The following LRRC61 variants were observed in gnomAD, a reference collection of about 807,000 sequenced individuals.
The protein encoded by LRRC61 is leucine rich repeat containing 61.
LRRC61 carries 9 observed loss-of-function variants against 15.1 expected under a neutral mutation model. The ratio of observed to expected loss-of-function variants is 0.60; its 90% CI spans 0.36 to 1.04. The LOEUF (loss-of-function observed/expected upper bound fraction) is 1.04. Among genes scored for constraint, LRRC61 ranks in the 50% least tolerant of loss-of-function variants. The pLI is 0.01. For missense variants in LRRC61, 344 were observed against 335.6 expected (o/e 1.03, Z -0.20); for synonymous variants, 173 against 158.6 (o/e 1.09, Z -0.68).
upstream of LRRC61, among the ~76,000 whole-genome samples, chr7:150,321,893 T>C (rs531942310): frequency 1.4e-4 from 21 of 152,298 alleles, no homozygotes; most frequent in East Asian, 3.7e-3. Flanking sequence ...CTGAAAGATA[T>C]GGGAAAAGCT....
chr7:150,328,017 A>C (rs1440790135), intron 2 of LRRC61, among the ~76,000 whole-genome samples: 1 of 152,128 alleles, frequency 6.6e-6, no homozygotes, highest in African/African-American at 2.4e-5. Flanking sequence ...TTTGGGGTGA[A>C]CCACATTGAC....
In LRRC61 at chr7:150,334,678, GTCT is replaced by G. The variant is rs1485112077; in HGVS notation, c.-144-2035_-144-2033del. The stretch of plus-strand genomic sequence containing the variant: ...CAAGCTGAGTGCTGTGTAGCTGGAT[GTCT>G]TCTTGTCTCCAACCTGTCCCACCTG... On this transcript the variant is annotated intron_variant, in intron 2 of 2. Transcript: ENST00000359623. 2.6e-5 allele frequency among the ~76,000 whole-genome samples: 4 copies of G among 152,340 alleles called. No homozygotes were observed. In the East Asian group the frequency reaches 5.8e-4, roughly 22 times the overall value.
intron 2 of LRRC61, chr7:150,331,242 TC>T: frequency 5.4e-6 from 5 of 918,728 alleles, no homozygotes; most frequent in East Asian, 2.7e-5. Context: ...ACACCCCGCC[TC>T]CCCTCATCTG....
chr7:150,331,119 C>T, intron 2 of LRRC61: 2 of 1,606,374 alleles, frequency 1.2e-6, no homozygotes, highest in Non-Finnish European at 1.7e-6. Context: ...TCTCTGAAAG[C>T]ATCTTTGCCT....
chr7:150,324,132 C>G (rs1437444571), intron 1 of LRRC61, among the ~76,000 whole-genome samples: 1 of 152,204 alleles, frequency 6.6e-6, no homozygotes, highest in Non-Finnish European at 1.5e-5. Flanking sequence ...CCTCCTATCC[C>G]TTTCTCTCAC....
the LRRC61 span, among the ~76,000 whole-genome samples, chr7:150,315,076 ATATT>A: frequency 6.1e-5 from 9 of 147,178 alleles, no homozygotes; most frequent in East Asian, 1.9e-4. Flanking sequence ...AAATAAGAAA[ATATT>A]TATTATTTAT....
upstream of LRRC61, among the ~76,000 whole-genome samples, chr7:150,318,686 C>T (rs936934581): frequency 1.1e-4 from 16 of 152,054 alleles, no homozygotes; most frequent in African/African-American, 1.2e-4. Context: ...CGCTTGAACC[C>T]GAAGAGCCGA....
intron 2 of LRRC61, chr7:150,331,039 C>A (rs549141225): frequency 1.2e-6 from 2 of 1,612,166 alleles, no homozygotes; most frequent in Non-Finnish European, 1.7e-6. Context: ...CAGGATGACC[C>A]CCTGGCTTAC....
At chr7:150,311,665 C>T in the LRRC61 span, among the ~76,000 whole-genome samples, 3 of 152,302 alleles carry the variant, frequency 2.0e-5, no homozygotes, top group African/African-American at 7.2e-5. Context: ...CCTCATATTT[C>T]TATTTTTCCA....
intron 2 of LRRC61, among the ~76,000 whole-genome samples, chr7:150,334,540 C>T (rs1798225424): frequency 1.3e-5 from 2 of 152,216 alleles, no homozygotes; most frequent in Admixed American, 1.3e-4. Context: ...GCATGGTTGG[C>T]CCCATGCACT....
the LRRC61 span, among the ~76,000 whole-genome samples, chr7:150,318,137 A>G: frequency 1.3e-5 from 2 of 152,348 alleles, no homozygotes; most frequent in African/African-American, 4.8e-5. Flanking sequence ...GGCTAAAGCT[A>G]TGACGGTGAA....
At chr7:150,319,205 C>CT (rs199647156), upstream of LRRC61, among the ~76,000 whole-genome samples, 274 of 140,726 alleles carry the variant, frequency 1.9e-3, no homozygotes, top group Middle Eastern at 7.3e-3. Flanking sequence ...ATTGCTTCTT[C>CT]TTTTTTTTTT....
In LRRC61 at chr7:150,336,704, C is replaced by A; in HGVS notation, c.-144-14C>A. ...ACAGAAAGTGCTGCCTGCTGACTGA[C>A]TGTCTCTCCTCAGGGACTGGCTGGC... is the stretch of plus-strand genomic sequence containing the variant. On this transcript the variant is annotated splice_polypyrimidine_tract_variant and intron_variant, in intron 2 of 2. Coordinates refer to ENST00000359623, the MANE Select transcript of LRRC61 (RefSeq NM_001142928.2). 1 of 930,282 alleles carries A rather than the reference C, an allele frequency of 1.1e-6. No individual in the cohort carries two copies. Among genetic ancestry groups the A allele is most frequent in the Non-Finnish European group, 1.6e-6 (1 of 623,476 alleles). 57.6% of individuals were successfully genotyped at this position (930,282 alleles called of 1,614,324 possible).
intron 2 of LRRC61, among the ~76,000 whole-genome samples, chr7:150,328,981 C>G (rs1420301606): frequency 6.6e-6 from 1 of 152,174 alleles, no homozygotes; most frequent in Admixed American, 6.5e-5. Flanking sequence ...CCCTTGGTGT[C>G]TCTGCACCTT....
At position 150,330,140 on chromosome 7, in the gene LRRC61, C is replaced by T. The variant is rs1191623239; in HGVS notation, c.-145+4130C>T. 5.6e-6 allele frequency: 3 copies of T among 538,506 alleles called. No homozygotes were observed. The highest frequency in any genetic ancestry group is 3.8e-5 in the African/African-American group (2 of 52,062). The allele number at this position is 538,506 out of a possible 1,614,324, so 33.4% of individuals were successfully genotyped here. ...TCATCCTGGGCACTGCCAGGGCCACCTGCAGCCATTTCTAAGGCTCTGTGG... is the reference window on the plus strand; with the variant it reads ...TCATCCTGGGCACTGCCAGGGCCACTTGCAGCCATTTCTAAGGCTCTGTGG... On this transcript the variant is annotated intron_variant, in intron 2 of 2. Transcript: ENST00000359623. The surrounding 1 kb of genome is among the most constrained non-coding windows in gnomAD (Gnocchi z 4.6).
chr7:150,334,647 C>G (rs1313718973), intron 2 of LRRC61, among the ~76,000 whole-genome samples: 2 of 152,254 alleles, frequency 1.3e-5, no homozygotes, highest in Non-Finnish European at 2.9e-5. Flanking sequence ...CCACGCCACA[C>G]TCACTCAAGC....
At chr7:150,322,377 AG>A (rs1797616920), upstream of LRRC61, among the ~76,000 whole-genome samples, 1 of 152,286 alleles carries the variant, frequency 6.6e-6, no homozygotes, top group South Asian at 2.1e-4. Context: ...GCAGTAAAGA[AG>A]CTGGCTAAAC....
At chr7:150,320,433 A>G (rs187822697), upstream of LRRC61, among the ~76,000 whole-genome samples, 2 of 152,324 alleles carry the variant, frequency 1.3e-5, no homozygotes, top group East Asian at 3.9e-4. Flanking sequence ...TGAGTGGACT[A>G]TTATCTTTAG....
upstream of LRRC61, among the ~76,000 whole-genome samples, chr7:150,318,559 C>G (rs1797173888): frequency 6.6e-6 from 1 of 152,256 alleles, no homozygotes; most frequent in East Asian, 1.9e-4. Context: ...ATCAGGAGTT[C>G]AAGACCAGCC....
Sources: gnomAD v4.1 joint callset for allele counts (sites outside exome capture counted in the v4.1 genomes callset) on GRCh38, gnomAD v4.1.1 for gene constraint, Gnocchi (gnomAD v3.1) non-coding constraint, MANE v1.5 for transcripts, NCBI Gene and HGNC (gene_info 2026-07-23, HGNC 2026-07-21) for gene names.